The following ZHX1 variants were observed in gnomAD, a reference collection of about 807,000 sequenced individuals.
ZHX1 encodes zinc fingers and homeoboxes 1, also known as zinc fingers and homeoboxes protein 1.
A neutral mutation model predicts 61.8 loss-of-function variants in ZHX1; 20 were observed. The ratio of observed to expected loss-of-function variants is 0.32; its 90% CI spans 0.23 to 0.47. ZHX1 has a LOEUF of 0.47. ZHX1 is among the 20% of genes least tolerant of loss of function. The pLI is 1.00. For missense variants in ZHX1, 800 were observed against 1,034.8 expected, an observed-to-expected ratio of 0.77 and a Z score of 3.11; for synonymous variants, 318 against 352.6, an observed-to-expected ratio of 0.90 and a Z score of 1.10.
chr8:123,262,408 T>C (rs1396481189), intron 2 of ZHX1, among the ~76,000 whole-genome samples: 2 of 152,256 alleles, frequency 1.3e-5, no homozygotes, highest in East Asian at 3.8e-4. Context: ...TGTATGCATG[T>C]GAACAAAGAT....
Position 123,254,922 on chromosome 8 carries a change from C to A in ZHX1, c.1025G>T (p.Ser342Ile). The A allele has an allele frequency of 6.2e-7, 1 of 1,614,234 alleles. No homozygotes were observed. Among genetic ancestry groups the A allele is most frequent in the Non-Finnish European group, 8.5e-7 (1 of 1,180,032 alleles). ...CTCCTCTACTTCCTCGGGAGTCCAA[C>A]TAACACCATGTTTTAAACGTTGGGC... ...FSAQRLKHGVSWTPEEVEEAR... is the reference protein window; with the variant it reads ...FSAQRLKHGVIWTPEEVEEAR... Residue 342 changes from serine (S) to isoleucine (I), a missense_variant, in exon 3 of 4, where the codon AGT (serine) becomes ATT (isoleucine). Ser to Ile is a moderately radical substitution (Grantham distance 142). Transcript: ENST00000395571. The surrounding 1 kb of genome is among the most constrained non-coding windows in gnomAD (Gnocchi z 4.1).
intron 2 of ZHX1, among the ~76,000 whole-genome samples, chr8:123,257,782 TC>T (rs1826118734): frequency 6.6e-6 from 1 of 152,154 alleles, no homozygotes; most frequent in South Asian, 2.1e-4. Context: ...TGCCTACCTC[TC>T]ACCTTCTGCT....
chr8:123,257,498 T>C (rs1026261063), intron 2 of ZHX1, among the ~76,000 whole-genome samples: 4 of 152,198 alleles, frequency 2.6e-5, no homozygotes, highest in East Asian at 1.9e-4. Flanking sequence ...ACACTTGATG[T>C]GTTGATCTGT....
intron 1 of ZHX1, among the ~76,000 whole-genome samples, chr8:123,268,968 A>G (rs1826555022): frequency 6.6e-6 from 1 of 152,224 alleles, no homozygotes; most frequent in Non-Finnish European, 1.5e-5. Flanking sequence ...AAATACCTCT[A>G]GGTTAGGTTA....
intron 1 of ZHX1, among the ~76,000 whole-genome samples, chr8:123,268,758 C>CTGG (rs1202603039): frequency 6.6e-6 from 1 of 152,214 alleles, no homozygotes; most frequent in African/African-American, 2.4e-5. Flanking sequence ...TCCCAAAGTG[C>CTGG]TGGGATTACA....
intron 1 of ZHX1, among the ~76,000 whole-genome samples, chr8:123,270,785 CAA>C (rs57900168): frequency 2.6e-4 from 15 of 57,990 alleles, no homozygotes; most frequent in Non-Finnish European, 2.3e-4. Flanking sequence ...GACCCCGTCT[CAA>C]AAAAAAAAAA....
chr8:123,269,246 T>TA (rs1158775647), intron 1 of ZHX1, among the ~76,000 whole-genome samples: 1 of 152,182 alleles, frequency 6.6e-6, no homozygotes, highest in Non-Finnish European at 1.5e-5. Flanking sequence ...AATCCATTCT[T>TA]AAAATCACAC....
At chr8:123,260,999 G>A (rs1354605112) in intron 2 of ZHX1, among the ~76,000 whole-genome samples, 2 of 152,118 alleles carry the variant, frequency 1.3e-5, no homozygotes, top group Non-Finnish European at 2.9e-5. Context: ...TCCAGCCTGG[G>A]TGACAGAGAG....
intron 3 of ZHX1, among the ~76,000 whole-genome samples, chr8:123,250,538 G>A (rs757999435): frequency 3.9e-5 from 6 of 152,062 alleles, no homozygotes; most frequent in Non-Finnish European, 7.4e-5. Context: ...TCATCTTTAT[G>A]TAATAATTTA....
chr8:123,264,715 G>A (rs1249837938), intron 2 of ZHX1, among the ~76,000 whole-genome samples: 6 of 151,576 alleles, frequency 4.0e-5, no homozygotes, highest in African/African-American at 7.2e-5. Flanking sequence ...CCGCCACCAC[G>A]CCTGGCTAAT....
chr8:123,255,199 C>T lies in ZHX1; in HGVS notation c.748G>A (p.Val250Ile). Residue 250 changes from valine to isoleucine, a missense_variant, in exon 3 of 4, where the codon GTA becomes ATA. Val to Ile is a conservative substitution (Grantham distance 29). Transcript: ENST00000395571. Reference protein sequence around the residue: ...NRIHPSTASTVVTPAAVLPGL... With the variant: ...NRIHPSTASTIVTPAAVLPGL... ...GGAAGAACTGCTGCTGGTGTCACTA[C>T]CGTGCTGGCAGTACTTGGATGTATT... 1 of 1,614,136 alleles carries T rather than the reference C, an allele frequency of 6.2e-7. No individual in the cohort carries two copies. The highest frequency in any genetic ancestry group is 8.5e-7 in the Non-Finnish European group (1 of 1,180,002).
intron 2 of ZHX1, among the ~76,000 whole-genome samples, chr8:123,264,927 G>T (rs547729510): frequency 6.8e-6 from 1 of 148,134 alleles, no homozygotes; most frequent in Non-Finnish European, 1.5e-5. Context: ...GGTGGCTCAC[G>T]CATGTAATCC....
Position 123,255,372 on chromosome 8 carries a change from T to C in ZHX1, c.575A>G (p.Glu192Gly). 6.2e-7 allele frequency: 1 copy of C among 1,613,838 alleles called. No individual in the cohort carries two copies. Among genetic ancestry groups the C allele is most frequent in the South Asian group, 1.1e-5 (1 of 91,030 alleles). ...ATGATGAACTGCAATCCGTTTATTT[T>C]CCACTTTATTTTTCATCATTTTCAT... ...PIMKMMKNKV[E>G]NKRIAVHHNS... Residue 192 changes from glutamate (E) to glycine (G), a missense_variant, in exon 3 of 4, where the codon GAA becomes GGA. Glu to Gly is a moderately conservative substitution (Grantham distance 98). Coordinates refer to ENST00000395571, the MANE Select transcript of ZHX1 (RefSeq NM_007222.5).
chr8:123,261,342 T>C (rs1826259819), intron 2 of ZHX1, among the ~76,000 whole-genome samples: 1 of 152,216 alleles, frequency 6.6e-6, no homozygotes, highest in Admixed American at 6.5e-5. Flanking sequence ...CATAAAGTCA[T>C]TGTGAATAGG....
intron 2 of ZHX1, 125 bp downstream of exon 2, chr8:123,267,148 A>T: frequency 2.7e-6 from 2 of 730,852 alleles, no homozygotes; most frequent in Non-Finnish European, 4.1e-6. Flanking sequence ...AAAAAGTGTT[A>T]AGCATATGTC....
At position 123,253,579 on chromosome 8, in the gene ZHX1, G is replaced by C. The variant is rs1403594071; in HGVS notation, c.2368C>G (p.Leu790Val). ...TGTAILKDYY[L>V]KHKFLNEQDL... ...TGCTCATTAAGAAACTTGTGCTTCA[G>C]GTAATAATCCTTAAGTATTGCAGTT... The change falls in exon 3 of 4, where the codon CTG becomes GTG. Residue 790 changes from leucine (L) to valine (V), a missense_variant. Leu to Val is a conservative substitution (Grantham distance 32). Coordinates refer to ENST00000395571, the MANE Select transcript of ZHX1 (RefSeq NM_007222.5). 5.6e-6 allele frequency: 9 copies of C among 1,614,200 alleles called. No individual in the cohort carries two copies. Among genetic ancestry groups the C allele is most frequent in the Non-Finnish European group, 7.6e-6 (9 of 1,180,030 alleles).
upstream of ZHX1, chr8:123,274,478 C>T (rs1459962161): frequency 6.6e-6 from 1 of 152,012 alleles, no homozygotes; most frequent in Admixed American, 6.5e-5. Flanking sequence ...GGCCCTCCCG[C>T]GCGCGCGTCC....
Position 123,255,332 on chromosome 8 carries a change from G to A in ZHX1, c.615C>T (p.Asp205=), listed in dbSNP as rs750741810. ...RIAVHHNSVE[D]VPEEKENEIK... ...TTTCATTCTCTTTCTCTTCAGGAAC[G>A]TCCTCAACTGAGTTATGATGAACTG... The change falls in exon 3 of 4, where the codon GAC becomes GAT. Residue 205 remains aspartate, a synonymous_variant. Coordinates refer to ENST00000395571, the MANE Select transcript of ZHX1 (RefSeq NM_007222.5). The A allele has an allele frequency of 2.0e-5, 32 of 1,613,932 alleles. No homozygotes were observed. The highest frequency in any genetic ancestry group is 4.4e-5 in the South Asian group (4 of 91,082).
chr8:123,262,441 T>A (rs1005385641), intron 2 of ZHX1, among the ~76,000 whole-genome samples: 1 of 152,220 alleles, frequency 6.6e-6, no homozygotes, highest in African/African-American at 2.4e-5. Context: ...TGTAAAAAAA[T>A]GAAAATTTCA....
Sources: gnomAD v4.1 joint callset for allele counts (sites outside exome capture counted in the v4.1 genomes callset) on GRCh38, gnomAD v4.1.1 for gene constraint, Gnocchi (gnomAD v3.1) non-coding constraint, MANE v1.5 for transcripts, NCBI Gene and HGNC (gene_info 2026-07-23, HGNC 2026-07-21) for gene names.